The following PARVB variants were observed in gnomAD, a reference collection of about 807,000 sequenced individuals.
PARVB encodes parvin beta, also known as beta-parvin.
Under a neutral mutation model 47.0 loss-of-function variants are expected in PARVB, and 46 were observed. That is an observed-to-expected ratio of 0.98 (90% confidence interval 0.77 to 1.25). The LOEUF (loss-of-function observed/expected upper bound fraction) is 1.25, where lower values mean the gene tolerates loss of function less well. PARVB is among the 50% of genes most tolerant of loss of function. The pLI, the probability that PARVB is intolerant of heterozygous loss-of-function variation, is 0.00. For missense variants in PARVB, 473 were observed against 471.6 expected (o/e 1.00, Z -0.03); for synonymous variants, 196 against 196.3 (o/e 1.00, Z 0.01).
chr22:44,023,512 A>T (rs1376643806), upstream of PARVB, among the ~76,000 whole-genome samples: 4 of 144,946 alleles, frequency 2.8e-5, no homozygotes, highest in African/African-American at 1.0e-4. Flanking sequence ...CTACGTCTAA[A>T]AAAATAAAAT....
At chr22:44,055,269 G>A (rs971446362) in intron 1 of PARVB, among the ~76,000 whole-genome samples, 3 of 151,966 alleles carry the variant, frequency 2.0e-5, no homozygotes, top group Non-Finnish European at 2.9e-5. Context: ...CGCCTTGAAC[G>A]TTGCATTTAG....
At chr22:44,003,545 C>T (rs923924278) in intron 2 of PARVB, among the ~76,000 whole-genome samples, 3 of 152,136 alleles carry the variant, frequency 2.0e-5, no homozygotes, top group African/African-American at 4.8e-5. Flanking sequence ...TAATGTGCTG[C>T]GGCAGCCACG....
At chr22:44,110,099 C>A (rs571290042) in intron 3 of PARVB, 1 of 106,208 alleles carries the variant, frequency 9.4e-6, no homozygotes, top group Non-Finnish European at 1.7e-5. Context: ...GGCGACAGAG[C>A]GAGACTCCGT....
At chr22:44,139,983 C>T (rs780180302) in intron 7 of PARVB, 141 bp from the exon 8 acceptor site, 62 of 785,302 alleles carry the variant, frequency 7.9e-5, no homozygotes, top group Non-Finnish European at 1.3e-4. Flanking sequence ...ATGTGACTTG[C>T]GTTCTTATCA....
At chr22:44,166,942 C>T (rs2054180866) in intron 12 of PARVB, among the ~76,000 whole-genome samples, 1 of 152,172 alleles carries the variant, frequency 6.6e-6, no homozygotes, top group Admixed American at 6.6e-5. Context: ...GCAGACTTAC[C>T]CGGGTACCCA....
intron 1 of PARVB, among the ~76,000 whole-genome samples, chr22:44,071,604 C>T (rs2051656511): frequency 6.6e-6 from 1 of 152,156 alleles, no homozygotes; most frequent in South Asian, 2.1e-4. Flanking sequence ...ACCACCTATG[C>T]TCCTAGAGGC....
chr22:44,075,153 G>A (rs192505116), intron 1 of PARVB, among the ~76,000 whole-genome samples: 10 of 152,148 alleles, frequency 6.6e-5, no homozygotes, highest in East Asian at 3.9e-4. Flanking sequence ...GAGGCTCCCC[G>A]GAAGCAGGTG....
At chr22:44,009,320 C>A (rs1027130665) in intron 2 of PARVB, among the ~76,000 whole-genome samples, 4 of 152,206 alleles carry the variant, frequency 2.6e-5, no homozygotes, top group Non-Finnish European at 5.9e-5. Flanking sequence ...AAGTTTCTAT[C>A]ACTTTTATGT....
At position 44,168,705 on chromosome 22, in the gene PARVB, G is replaced by A. The variant is rs746006153; in HGVS notation, c.*27G>A. ...GGGGGAGCTGTGGATGGTGGCAGGA[G>A]TGTCCCAGCAAGAAAGGCGGCATCC... On this transcript the variant is annotated 3_prime_UTR_variant, in exon 13 of 13. Transcript: ENST00000338758. 7 of 1,510,774 alleles carry A rather than the reference G, an allele frequency of 4.6e-6. No individual in the cohort carries two copies. The South Asian group carries it at 6.7e-5, about 15-fold the overall frequency. 93.6% of individuals were successfully genotyped at this position (1,510,774 alleles called of 1,614,324 possible).
chr22:44,035,006 C>T (rs906054137), intron 1 of PARVB, among the ~76,000 whole-genome samples: 4 of 152,088 alleles, frequency 2.6e-5, no homozygotes, highest in Non-Finnish European at 5.9e-5. Context: ...CAACTGCACC[C>T]GGCCACCATG....
chr22:44,144,217 C>T (rs923538935), intron 8 of PARVB: 2 of 152,350 alleles, frequency 1.3e-5, no homozygotes, highest in African/African-American at 4.8e-5. Flanking sequence ...CCCCCCAGCC[C>T]TTGGTTCATG....
chr22:44,133,561 AAG>A (rs2053377123), intron 6 of PARVB, among the ~76,000 whole-genome samples: 1 of 152,098 alleles, frequency 6.6e-6, no homozygotes, highest in Non-Finnish European at 1.5e-5. Context: ...TGTTTTGTGA[AAG>A]GGTTTCACTC....
rs9614356 is a variant in PARVB at position 44,169,454 on chromosome 22, C to T, written c.*776C>T. On this transcript the variant is annotated 3_prime_UTR_variant, in exon 13 of 13. Transcript: ENST00000338758. ...GCTCTAATTGTGCTGCTTGAGACAGCTTGGGTCACAGCTTTCCCCTTCAGA... is the reference window on the plus strand; with the variant it reads ...GCTCTAATTGTGCTGCTTGAGACAGTTTGGGTCACAGCTTTCCCCTTCAGA... The T allele has an allele frequency of 0.36, 53,732 of 149,518 alleles. 10,937 individuals are homozygous for T. Among genetic ancestry groups the T allele is most frequent in the Admixed American group, 0.43 (6,574 of 15,214 alleles). The allele number at this position is 149,518 out of a possible 1,614,324, so 9.3% of individuals were successfully genotyped here. A position where few individuals can be genotyped will look rare whatever the true frequency, so the allele number is the denominator to read the frequency against.
intron 2 of PARVB, among the ~76,000 whole-genome samples, chr22:44,098,572 A>C (rs1474509442): frequency 6.6e-6 from 1 of 152,130 alleles, no homozygotes; most frequent in East Asian, 1.9e-4. Context: ...TGGAGGCCAC[A>C]TGGAGGACGC....
chr22:44,093,952 A>G lies in PARVB; in HGVS notation c.137A>G (p.Lys46Arg), dbSNP rs2052233121. 2 of 1,613,614 alleles carry G rather than the reference A, an allele frequency of 1.2e-6. No individual in the cohort carries two copies. The highest frequency in any genetic ancestry group is 8.5e-7 in the Non-Finnish European group (1 of 1,179,570). The change falls in exon 2 of 13, where the codon AAG becomes AGG. Residue 46 changes from lysine to arginine, a missense_variant. Lys to Arg is a conservative substitution (Grantham distance 26, BLOSUM62 2). Transcript: ENST00000338758. The part of the protein sequence containing the change: ...REVSDLQEEG[K>R]NAINSPMSPA... ...GTGAGTGACCTGCAGGAAGAAGGCAAGAATGCCATCAACTCACCGATGTCC... is the reference window on the plus strand; with the variant it reads ...GTGAGTGACCTGCAGGAAGAAGGCAGGAATGCCATCAACTCACCGATGTCC...
chr22:44,162,896 G>A (rs1242588409), intron 11 of PARVB: 1 of 152,244 alleles, frequency 6.6e-6, no homozygotes, highest in Admixed American at 6.5e-5. Context: ...AATTTCAGGG[G>A]AAGTCACGGT....
intron 1 of PARVB, among the ~76,000 whole-genome samples, chr22:44,077,828 G>A (rs1234211985): frequency 1.3e-5 from 2 of 152,018 alleles, no homozygotes; most frequent in African/African-American, 4.8e-5. Context: ...CTCCCGAGTA[G>A]CTGGTATTAC....
intron 2 of PARVB, among the ~76,000 whole-genome samples, chr22:44,010,853 TA>T (rs893038090): frequency 4.0e-5 from 6 of 151,036 alleles, no homozygotes; most frequent in African/African-American, 2.4e-5. Flanking sequence ...TCTGTGTTCT[TA>T]AAAAAAAGTT....
intron 3 of PARVB, chr22:44,110,133 A>G (rs1055409381): frequency 2.1e-5 from 3 of 142,822 alleles, no homozygotes; most frequent in Admixed American, 7.2e-5. Flanking sequence ...AAAAAAAAAA[A>G]AAAAAAAAAG....
Sources: gnomAD v4.1 joint callset for allele counts (sites outside exome capture counted in the v4.1 genomes callset) on GRCh38, gnomAD v4.1.1 for gene constraint, MANE v1.5 for transcripts, NCBI Gene and HGNC (gene_info 2026-07-23, HGNC 2026-07-21) for gene names.